BLTP3B: variants seen among roughly 807,000 people sequenced by gnomAD.
BLTP3B encodes bridge-like lipid transfer protein family member 3B.
chr12:100,090,859 TTTCA>T, the BLTP3B span, among the ~76,000 whole-genome samples: 3 of 152,276 alleles, frequency 2.0e-5, no homozygotes, highest in East Asian at 1.9e-4. Context: ...CCGGTACTTC[TTTCA>T]TTATGTTTTC....
chr12:100,136,968 C>A, the BLTP3B span, among the ~76,000 whole-genome samples: 2 of 152,064 alleles, frequency 1.3e-5, no homozygotes, highest in African/African-American at 4.8e-5. Context: ...TGGGCCACCA[C>A]ACCCAGCTAA....
At chr12:100,039,047 T>A in the BLTP3B span, among the ~76,000 whole-genome samples, 1 of 152,176 alleles carries the variant, frequency 6.6e-6, no homozygotes, top group Non-Finnish European at 1.5e-5. Flanking sequence ...GAATTCTATA[T>A]CCCTAGCTCA....
At chr12:100,114,995 C>T in the BLTP3B span, among the ~76,000 whole-genome samples, 1 of 152,046 alleles carries the variant, frequency 6.6e-6, no homozygotes, top group Non-Finnish European at 1.5e-5. Flanking sequence ...AATTTTTTTA[C>T]ATAACCTAAG....
chr12:100,056,627 C>G, the BLTP3B span, among the ~76,000 whole-genome samples: 1 of 151,772 alleles, frequency 6.6e-6, no homozygotes, highest in Non-Finnish European at 1.5e-5. Context: ...CATTCGAGGT[C>G]AGGAGTTTGA....
chr12:100,098,532 G>A, the BLTP3B span: 1 of 1,605,658 alleles, frequency 6.2e-7, no homozygotes, highest in South Asian at 1.1e-5. Flanking sequence ...TTTCAGCAAA[G>A]CCGTATTCAC....
At chr12:100,108,283 A>T in the BLTP3B span, 5 of 1,231,580 alleles carry the variant, frequency 4.1e-6, no homozygotes, top group Non-Finnish European at 3.4e-6. Context: ...ATGTTTTTAC[A>T]CAATTATCTA....
the BLTP3B span, among the ~76,000 whole-genome samples, chr12:100,091,007 G>GCT: frequency 6.6e-6 from 1 of 150,496 alleles, no homozygotes; most frequent in East Asian, 2.0e-4. Flanking sequence ...GCCACTATAA[G>GCT]CTCTCTGCCT....
At chr12:100,119,205 A>C in the BLTP3B span, among the ~76,000 whole-genome samples, 2 of 152,198 alleles carry the variant, frequency 1.3e-5, no homozygotes, top group African/African-American at 4.8e-5. Flanking sequence ...TAGCATAAGA[A>C]ATATGAAATT....
chr12:100,125,336 A>AAG, the BLTP3B span, among the ~76,000 whole-genome samples: 3 of 73,962 alleles, frequency 4.1e-5, no homozygotes, highest in African/African-American at 4.8e-4. Context: ...TTTCCATCTC[A>AAG]AAAAAAAAAA....
chr12:100,052,068 A>AT, the BLTP3B span, among the ~76,000 whole-genome samples: 714 of 143,108 alleles, frequency 5.0e-3, 5 homozygotes, highest in East Asian at 0.04. Context: ...TTCCCTTTAA[A>AT]TTTTTTTTTT....
the BLTP3B span, among the ~76,000 whole-genome samples, chr12:100,083,843 A>G: frequency 1.1e-4 from 17 of 152,220 alleles, no homozygotes; most frequent in Non-Finnish European, 5.9e-5. Flanking sequence ...TTGGTCCACA[A>G]GCCTATGTTG....
At chr12:100,088,391 A>G in the BLTP3B span, among the ~76,000 whole-genome samples, 136 of 152,308 alleles carry the variant, frequency 8.9e-4, no homozygotes, top group African/African-American at 3.2e-3. Context: ...GACAAAAACT[A>G]AAAGAAAATT....
chr12:100,142,787 AGCC>A, the BLTP3B span: 1 of 1,176,864 alleles, frequency 8.5e-7, no homozygotes, highest in Non-Finnish European at 1.1e-6. Context: ...CCAAGGCCAC[AGCC>A]GCCGCCGAGA....
At chr12:100,134,481 G>A in the BLTP3B span, among the ~76,000 whole-genome samples, 1 of 152,002 alleles carries the variant, frequency 6.6e-6, no homozygotes, top group Non-Finnish European at 1.5e-5. Flanking sequence ...GCCAAACATG[G>A]TGGCGGCTGC....
chr12:100,098,232 A>T, the BLTP3B span: 1 of 1,116,958 alleles, frequency 9.0e-7, no homozygotes, highest in Non-Finnish European at 1.2e-6. Flanking sequence ...CACCCTCCCC[A>T]AAAAAAGTAA....
the BLTP3B span, among the ~76,000 whole-genome samples, chr12:100,116,099 G>A: frequency 6.6e-6 from 1 of 151,398 alleles, no homozygotes; most frequent in Non-Finnish European, 1.5e-5. Context: ...TCGAACCCAG[G>A]AGGCAGAGGT....
At chr12:100,081,174 C>T in the BLTP3B span, among the ~76,000 whole-genome samples, 1 of 152,088 alleles carries the variant, frequency 6.6e-6, no homozygotes, top group African/African-American at 2.4e-5. Flanking sequence ...TGTAAATTGC[C>T]CAGTCTCGGG....
At chr12:100,098,674 G>A in the BLTP3B span, 1 of 887,682 alleles carries the variant, frequency 1.1e-6, no homozygotes, top group Non-Finnish European at 1.6e-6. Context: ...GGCTGAGGCA[G>A]GCAGATCACT....
chr12:100,090,439 G>T, the BLTP3B span, among the ~76,000 whole-genome samples: 9 of 151,972 alleles, frequency 5.9e-5, no homozygotes, highest in African/African-American at 2.2e-4. Context: ...AACTGTAGAT[G>T]AATTTTTATA....
Sources: gnomAD v4.1 joint callset for allele counts (sites outside exome capture counted in the v4.1 genomes callset) on GRCh38, gnomAD v4.1.1 for gene constraint, MANE v1.5 for transcripts, NCBI Gene and HGNC (gene_info 2026-07-23, HGNC 2026-07-21) for gene names.